SIMC1: variants seen among roughly 807,000 people sequenced by gnomAD.
The protein encoded by SIMC1 is SUMO interacting motifs containing 1, also known as SUMO-interacting motif-containing protein 1.
Under a neutral mutation model 82.3 loss-of-function variants are expected in SIMC1, and 55 were observed. The observed-to-expected ratio is 0.67, with a 90% CI of 0.54 to 0.84. The LOEUF (loss-of-function observed/expected upper bound fraction) is 0.84, where lower values mean the gene tolerates loss of function less well. Among genes scored for constraint, SIMC1 ranks in the 40% least tolerant of loss-of-function variants. The pLI is 0.00. For synonymous variants in SIMC1, 353 were observed against 426.3 expected (o/e 0.83, Z 2.12); for missense variants, 915 against 1,107.2 (o/e 0.83, Z 2.46).
chr5:176,307,543 G>GGCGCCCGCCACC lies in SIMC1; in HGVS notation c.1735-6147_1735-6136dup, dbSNP rs1764477716. ...AGCCTCCCGAGTAGCTGGGACTACA[G>GGCGCCCGCCACC]GCGCCCGCCACCACGCCCGGCTAAT... On this transcript the variant is annotated intron_variant, in intron 4 of 9. Transcript: ENST00000429602. 1.2e-4 allele frequency among the ~76,000 whole-genome samples: 18 copies of GGCGCCCGCCACC among 152,230 alleles called. No individual in the cohort carries two copies. The South Asian group carries it at 3.5e-3, about 30-fold the overall frequency.
intron 6 of SIMC1, 116 bp downstream of exon 6, chr5:176,322,541 T>C (rs1027050188): frequency 8.1e-7 from 1 of 1,230,058 alleles, no homozygotes; most frequent in Non-Finnish European, 1.1e-6. Flanking sequence ...GAACATAGGC[T>C]GATGCTTATT....
At chr5:176,316,480 A>G (rs1317831630) in intron 5 of SIMC1, among the ~76,000 whole-genome samples, 1 of 146,480 alleles carries the variant, frequency 6.8e-6, no homozygotes, top group Non-Finnish European at 1.5e-5. Flanking sequence ...GAGCCTAGCC[A>G]ACATGGTGAA....
At position 176,324,734 on chromosome 5, in the gene SIMC1, G is replaced by T. The variant is rs374216303; in HGVS notation, c.2148G>T (p.Leu716=). 9 of 1,598,258 alleles carry T rather than the reference G, an allele frequency of 5.6e-6. No homozygotes were observed. In the African/African-American group the frequency reaches 1.1e-4, roughly 19 times the overall value. The change falls in exon 7 of 10, where the codon CTG becomes CTT. Residue 716 remains leucine (L), a synonymous_variant. Coordinates refer to ENST00000429602, the MANE Select transcript of SIMC1 (RefSeq NM_001308195.2). The part of the protein sequence containing the change: ...KIAEMMFGFV[L]DIPERSQREM... ...CCGAGATGATGTTTGGGTTTGTGCT[G>T]GACATTCCTGAGAGGAGCCAGAGGT...
chr5:176,300,789 A>G (rs1764008635), intron 4 of SIMC1, among the ~76,000 whole-genome samples: 1 of 152,232 alleles, frequency 6.6e-6, no homozygotes, highest in Non-Finnish European at 1.5e-5. Context: ...TGCCACAGAA[A>G]TAAAAAGGAT....
At chr5:176,258,631 G>A (rs1462788661) in intron 1 of SIMC1, among the ~76,000 whole-genome samples, 6 of 150,806 alleles carry the variant, frequency 4.0e-5, no homozygotes, top group Non-Finnish European at 8.9e-5. Flanking sequence ...CTCTCACCCA[G>A]GCTGGAGTGC....
At chr5:176,326,086 G>A (rs1765381962) in intron 7 of SIMC1, among the ~76,000 whole-genome samples, 1 of 152,186 alleles carries the variant, frequency 6.6e-6, no homozygotes, top group South Asian at 2.1e-4. Flanking sequence ...TGCTGGTACA[G>A]GAAATAAGTA....
intron 1 of SIMC1, among the ~76,000 whole-genome samples, chr5:176,277,460 C>T (rs1762764146): frequency 6.6e-6 from 1 of 151,832 alleles, no homozygotes; most frequent in Non-Finnish European, 1.5e-5. Context: ...TAATTAGATC[C>T]CATTTGTCAA....
At chr5:176,271,506 C>T (rs1185306216) in intron 1 of SIMC1, among the ~76,000 whole-genome samples, 1 of 152,082 alleles carries the variant, frequency 6.6e-6, no homozygotes, top group Admixed American at 6.6e-5. Flanking sequence ...TTTGCATGTC[C>T]TCATTGTGAG....
At chr5:176,292,479 A>G (rs1335919509) in intron 2 of SIMC1, among the ~76,000 whole-genome samples, 1 of 152,122 alleles carries the variant, frequency 6.6e-6, no homozygotes, top group Non-Finnish European at 1.5e-5. Context: ...CTTTTTTAAA[A>G]TTATTACATC....
Position 176,295,273 on chromosome 5 carries a change from T to A in SIMC1, c.1664+11T>A. The A allele has an allele frequency of 6.2e-7, 1 of 1,605,882 alleles. No homozygotes were observed. Among genetic ancestry groups the A allele is most frequent in the South Asian group, 1.1e-5 (1 of 90,008 alleles). On this transcript the variant is annotated intron_variant, in intron 3 of 9. Coordinates refer to ENST00000429602, the MANE Select transcript of SIMC1 (RefSeq NM_001308195.2). ...CATGAAAATTCAACAGTATGAACCG[T>A]AACCTCTGGCTGTTGGCGAATCTTC...
chr5:176,292,721 A>T (rs1267987761), intron 2 of SIMC1, among the ~76,000 whole-genome samples: 1 of 152,034 alleles, frequency 6.6e-6, no homozygotes, highest in Non-Finnish European at 1.5e-5. Context: ...TTGTACTTTT[A>T]GTAGAGACAG....
Position 176,345,292 on chromosome 5 carries a change from T to G in SIMC1, c.2523T>G (p.Ile841Met), listed in dbSNP as rs1445127716. The G allele has an allele frequency of 5.0e-6, 8 of 1,613,946 alleles. No individual in the cohort carries two copies. The highest frequency in any genetic ancestry group is 2.2e-5 in the East Asian group (1 of 44,888). Residue 841 changes from isoleucine (I) to methionine (M), a missense_variant, in exon 10 of 10, where the codon ATT becomes ATG. Ile to Met is a conservative substitution (Grantham distance 10). Around this residue, in one of 2 missense-constraint regions of SIMC1, gnomAD observed 902 missense variants for 1,040.3 expected, o/e 0.87. Coordinates refer to ENST00000429602, the MANE Select transcript of SIMC1 (RefSeq NM_001308195.2). ...CAGTGGTAGACGTAGAGAAGCAGAT[T>G]GAGGCCTTCCGCAGCCGCCTGATCC... is the stretch of plus-strand genomic sequence containing the variant. ...DITVVDVEKQ[I>M]EAFRSRLIQM...
intron 4 of SIMC1, chr5:176,296,635 C>G (rs1382748848): frequency 9.6e-6 from 3 of 311,524 alleles, no homozygotes; most frequent in African/African-American, 4.3e-5. Flanking sequence ...CAACATTGTA[C>G]TCCAGCCTGG....
At chr5:176,275,837 G>A (rs1183384353) in intron 1 of SIMC1, among the ~76,000 whole-genome samples, 1 of 151,632 alleles carries the variant, frequency 6.6e-6, no homozygotes, top group Admixed American at 6.6e-5. Flanking sequence ...TGATCATGGT[G>A]GATAAGCTTT....
In SIMC1 at chr5:176,290,659, C is replaced by T. The variant is rs1023057990; in HGVS notation, c.1135C>T (p.Gln379Ter). ...GCCTGACTTTACCCAGAATGATGTA[C>T]AGAACCGTGACATGCCTATGGATAT... ...DRPDFTQNDV[Q>*]NRDMPMDISA... Residue 379 changes from glutamine to a stop codon, truncating the protein, a stop_gained, in exon 2 of 10, where the codon CAG becomes TAG. Coordinates refer to ENST00000429602, the MANE Select transcript of SIMC1 (RefSeq NM_001308195.2). LOFTEE classifies it high-confidence loss of function. The T allele has an allele frequency of 7.4e-6, 12 of 1,614,038 alleles. No individual in the cohort carries two copies. Among genetic ancestry groups the T allele is most frequent in the Non-Finnish European group, 1.0e-5 (12 of 1,179,904 alleles).
At chr5:176,248,292 G>T (rs536480746) in intron 1 of SIMC1, among the ~76,000 whole-genome samples, 2 of 152,192 alleles carry the variant, frequency 1.3e-5, no homozygotes, top group African/African-American at 4.8e-5. Flanking sequence ...TTGAGCAGTG[G>T]TTTGTAGTTC....
intron 4 of SIMC1, among the ~76,000 whole-genome samples, chr5:176,304,661 T>C (rs1441524048): frequency 7.8e-4 from 113 of 145,386 alleles, no homozygotes; most frequent in South Asian, 3.2e-3. Context: ...GTCTGGGATG[T>C]GAGGAGCCCC....
chr5:176,293,620 C>T (rs1387099304), intron 2 of SIMC1, among the ~76,000 whole-genome samples: 4 of 151,848 alleles, frequency 2.6e-5, no homozygotes, highest in Non-Finnish European at 4.4e-5. Context: ...TGGTGGCACA[C>T]ACCTGTAGTC....
intron 1 of SIMC1, among the ~76,000 whole-genome samples, chr5:176,286,036 A>G (rs1378144502): frequency 3.3e-5 from 5 of 152,228 alleles, no homozygotes; most frequent in African/African-American, 1.2e-4. Context: ...GGAGGAATCA[A>G]TATCGTGAAA....
Sources: allele counts gnomAD v4.1 joint callset (sites outside exome capture counted in the v4.1 genomes callset), GRCh38; gene constraint gnomAD v4.1.1; regional missense constraint gnomAD v4.1.1; transcripts MANE v1.5; gene names NCBI Gene and HGNC (gene_info 2026-07-23, HGNC 2026-07-21).